SYT1: variants seen among roughly 807,000 people sequenced by gnomAD.
SYT1 encodes synaptotagmin 1, also known as synaptotagmin-1.
In SYT1, 8 loss-of-function variants were observed where a neutral mutation model predicts 44.8. The observed-to-expected ratio is 0.18, with a 90% confidence interval of 0.10 to 0.32. The LOEUF is 0.32. Ranked by LOEUF, SYT1 falls within the 10% of genes least tolerant of loss-of-function variation. SYT1 has a pLI of 1.00. For missense variants in SYT1, 286 were observed against 509.3 expected, an observed-to-expected ratio of 0.56 and a Z score of 4.22; for synonymous variants, 154 against 188.8, an observed-to-expected ratio of 0.82 and a Z score of 1.51.
chr12:78,975,399 C>A (rs1424373640), intron 1 of SYT1, among the ~76,000 whole-genome samples: 1 of 152,096 alleles, frequency 6.6e-6, no homozygotes, highest in Non-Finnish European at 1.5e-5. Context: ...TTGCACCCTG[C>A]CTGGCATAGA....
chr12:79,279,249 C>A (rs1372151331), intron 4 of SYT1, among the ~76,000 whole-genome samples: 3 of 151,964 alleles, frequency 2.0e-5, no homozygotes, highest in African/African-American at 4.8e-5. Context: ...AAATTCTCAA[C>A]AAAATACTAG....
At chr12:79,264,407 T>G (rs1295429670) in intron 4 of SYT1, among the ~76,000 whole-genome samples, 1 of 152,164 alleles carries the variant, frequency 6.6e-6, no homozygotes, top group African/African-American at 2.4e-5. Flanking sequence ...AAGTTGTTTC[T>G]CAATGAAAAA....
intron 3 of SYT1, among the ~76,000 whole-genome samples, chr12:79,198,117 G>T (rs1873568680): frequency 6.6e-6 from 1 of 152,040 alleles, no homozygotes; most frequent in Admixed American, 6.5e-5. Flanking sequence ...ATTTCATTTT[G>T]TAATTTAATA....
chr12:79,375,958 C>G (rs1362499201), intron 9 of SYT1, among the ~76,000 whole-genome samples: 4 of 152,144 alleles, frequency 2.6e-5, no homozygotes, highest in African/African-American at 9.7e-5. Context: ...TATGTTGTAT[C>G]ATTTATTTAA....
At chr12:78,960,363 TGAGTGAA>T (rs1879436326) in intron 1 of SYT1, 1 of 152,228 alleles carries the variant, frequency 6.6e-6, no homozygotes, top group South Asian at 2.1e-4. Context: ...GCTCATTTCT[TGAGTGAA>T]TAAGTAAATA....
chr12:79,366,573 C>T (rs1883551471), intron 9 of SYT1, among the ~76,000 whole-genome samples: 1 of 152,220 alleles, frequency 6.6e-6, no homozygotes, highest in Non-Finnish European at 1.5e-5. Context: ...GGAGTTGCAA[C>T]TCAGCCATAA....
chr12:79,319,379 G>A (rs982583754), intron 8 of SYT1, among the ~76,000 whole-genome samples: 1 of 152,160 alleles, frequency 6.6e-6, no homozygotes, highest in African/African-American at 2.4e-5. Flanking sequence ...CAAAGAAGCT[G>A]AAACTCAGAG....
chr12:79,060,543 C>G (rs979557164), intron 3 of SYT1, among the ~76,000 whole-genome samples: 3 of 152,132 alleles, frequency 2.0e-5, no homozygotes, highest in African/African-American at 7.2e-5. Flanking sequence ...ACTGACTATT[C>G]TAACTACGTC....
intron 3 of SYT1, among the ~76,000 whole-genome samples, chr12:79,053,181 A>G (rs576848791): frequency 6.2e-4 from 94 of 152,334 alleles, no homozygotes; most frequent in Admixed American, 5.1e-3. Context: ...GCAGCCATAA[A>G]AAATGATGAG....
rs1190053919 is a variant in SYT1 at position 79,241,333 on chromosome 12, C to T, written c.166+23648C>T. 3.9e-5 allele frequency among the ~76,000 whole-genome samples: 6 copies of T among 152,114 alleles called. No individual in the cohort carries two copies. In the South Asian group the frequency reaches 6.2e-4, roughly 16 times the overall value. ...TCACCCAGGCTGGAGTGCAGTGGCACGATCTCGGCTCACTGCAACCTCCAC... is the reference window on the plus strand; with the variant it reads ...TCACCCAGGCTGGAGTGCAGTGGCATGATCTCGGCTCACTGCAACCTCCAC... On this transcript the variant is annotated intron_variant, in intron 4 of 10. Transcript: ENST00000261205.
chr12:78,904,777 A>C (rs954381433), intron 1 of SYT1, among the ~76,000 whole-genome samples: 1 of 152,140 alleles, frequency 6.6e-6, no homozygotes, highest in Non-Finnish European at 1.5e-5. Flanking sequence ...AATAACATAC[A>C]TACAATTTTA....
intron 1 of SYT1, among the ~76,000 whole-genome samples, chr12:78,887,023 T>C: frequency 6.6e-6 from 1 of 152,046 alleles, no homozygotes; most frequent in East Asian, 1.9e-4. Context: ...ACTTGCACTT[T>C]CTACCTTTTA....
intron 3 of SYT1, among the ~76,000 whole-genome samples, chr12:79,083,606 T>A (rs543682830): frequency 7.3e-4 from 111 of 152,306 alleles, no homozygotes; most frequent in Admixed American, 3.3e-3. Context: ...TATTTAAAGT[T>A]GTAAAACGTA....
intron 9 of SYT1, chr12:79,392,381 CT>C (rs1174442103): frequency 3.9e-5 from 6 of 152,102 alleles, no homozygotes; most frequent in Admixed American, 1.3e-4. Context: ...TTGAAATAAA[CT>C]ATCAGCTGAA....
chr12:78,980,630 T>G (rs1318264876), intron 2 of SYT1, among the ~76,000 whole-genome samples: 1 of 152,150 alleles, frequency 6.6e-6, no homozygotes, highest in African/African-American at 2.4e-5. Context: ...ATAAATGCTG[T>G]TTCATGCCCA....
chr12:79,288,397 T>A (rs555286609), intron 5 of SYT1, among the ~76,000 whole-genome samples: 2 of 152,268 alleles, frequency 1.3e-5, no homozygotes, highest in African/African-American at 4.8e-5. Flanking sequence ...GTGAGAGGCA[T>A]TTTAGATATA....
At chr12:79,165,687 A>G (rs1431367599) in intron 3 of SYT1, among the ~76,000 whole-genome samples, 1 of 151,998 alleles carries the variant, frequency 6.6e-6, no homozygotes, top group Non-Finnish European at 1.5e-5. Flanking sequence ...AAATAAGTGA[A>G]TATTAATCTG....
intron 9 of SYT1, among the ~76,000 whole-genome samples, chr12:79,365,417 A>G (rs1313204016): frequency 6.6e-6 from 1 of 152,052 alleles, no homozygotes; most frequent in Non-Finnish European, 1.5e-5. Flanking sequence ...TTCAAATGAG[A>G]CCTAAATAAA....
intron 8 of SYT1, among the ~76,000 whole-genome samples, chr12:79,322,127 T>C (rs1245275707): frequency 6.6e-6 from 1 of 152,178 alleles, no homozygotes; most frequent in Non-Finnish European, 1.5e-5. Context: ...CCATTTCCAG[T>C]TGAAATCACA....
Sources: allele counts gnomAD v4.1 joint callset (sites outside exome capture counted in the v4.1 genomes callset), GRCh38; gene constraint gnomAD v4.1.1; transcripts MANE v1.5; gene names NCBI Gene and HGNC (gene_info 2026-07-23, HGNC 2026-07-21).